The following FAM217A variants were observed in gnomAD, a reference collection of about 807,000 sequenced individuals.
FAM217A encodes family with sequence similarity 217 member A.
In FAM217A, 13 loss-of-function variants were observed where a neutral mutation model predicts 18.5. That is an observed-to-expected ratio of 0.70 (90% CI 0.46 to 1.12). FAM217A has a LOEUF of 1.12. Among genes scored for constraint, FAM217A ranks in the 50% most tolerant of loss-of-function variants. The pLI, the probability that FAM217A is intolerant of heterozygous loss-of-function variation, is 0.00. For synonymous variants in FAM217A, 161 were observed against 202.8 expected, an observed-to-expected ratio of 0.79 and a Z score of 1.75; for missense variants, 560 against 575.4, an observed-to-expected ratio of 0.97 and a Z score of 0.27.
At chr6:4,086,893 G>T in intron 1 of FAM217A, 1 of 398,316 alleles carries the variant, frequency 2.5e-6, no homozygotes, top group South Asian at 1.3e-4. Flanking sequence ...TCTGCTTTTT[G>T]GTCTGCAATG....
At chr6:4,076,649 C>T (rs1186731875) in intron 2 of FAM217A, among the ~76,000 whole-genome samples, 1 of 152,112 alleles carries the variant, frequency 6.6e-6, no homozygotes, top group Admixed American at 6.5e-5. Context: ...AAAGCCAAGG[C>T]GGGTGGATCA....
rs1255854194 is a variant in FAM217A, at chr6:4,074,627, G to C, written c.95C>G (p.Pro32Arg). The C allele has an allele frequency of 1.9e-6, 3 of 1,613,450 alleles. No homozygotes were observed. Among genetic ancestry groups the C allele is most frequent in the African/African-American group, 2.7e-5 (2 of 74,998 alleles). The change falls in exon 3 of 7, where the codon CCT becomes CGT. Residue 32 changes from proline (P) to arginine (R), a missense_variant. Coordinates refer to ENST00000274673, the MANE Select transcript of FAM217A (RefSeq NM_173563.3). ...LSHWNLDSEV[P>R]VSENKNLPAG... ...TGGGAGGTTTTTATTTTCAGAAACAGGTACTTCTGAATCCAAATTCCAGTG... is the reference window on the plus strand; with the variant it reads ...TGGGAGGTTTTTATTTTCAGAAACACGTACTTCTGAATCCAAATTCCAGTG...
intron 1 of FAM217A, among the ~76,000 whole-genome samples, chr6:4,077,813 A>G (rs914331223): frequency 2.2e-4 from 33 of 152,198 alleles, no homozygotes; most frequent in African/African-American, 7.7e-4. Context: ...TTCATTCAAA[A>G]CAATTGCTCC....
In FAM217A at chr6:4,069,661, A is replaced by G. The variant is rs1356695031; in HGVS notation, c.562T>C (p.Leu188=). The part of the protein sequence containing the change: ...GETLPAPNWN[L]KHGNSSVEEN... ...TCCACACTGCTGTTTCCATGTTTCAAATTCCAATTTGGAGCAGGTAATGTT... is the reference window on the plus strand; with the variant it reads ...TCCACACTGCTGTTTCCATGTTTCAGATTCCAATTTGGAGCAGGTAATGTT... The change falls in exon 7 of 7, where the codon TTG becomes CTG. Residue 188 remains leucine, a synonymous_variant. Transcript: ENST00000274673. 3 of 1,614,158 alleles carry G rather than the reference A, an allele frequency of 1.9e-6. No homozygotes were observed. Among genetic ancestry groups the G allele is most frequent in the South Asian group, 1.1e-5 (1 of 91,086 alleles).
intron 2 of FAM217A, among the ~76,000 whole-genome samples, chr6:4,084,297 C>T (rs886788671): frequency 3.9e-5 from 6 of 152,164 alleles, no homozygotes; most frequent in East Asian, 1.9e-4. Flanking sequence ...ATTCCTGGAA[C>T]GTGTGATAGT....
At chr6:4,087,151 G>C (rs1770723245), upstream of FAM217A, 2 of 437,310 alleles carry the variant, frequency 4.6e-6, no homozygotes, top group Admixed American at 4.3e-5. Flanking sequence ...TGGGAGCAAG[G>C]CTTCTACAAA....
chr6:4,084,522 C>G (rs1770512361), intron 2 of FAM217A: 3 of 694,230 alleles, frequency 4.3e-6, no homozygotes, highest in Non-Finnish European at 7.9e-6. Context: ...ATTTTCCTAG[C>G]CTTATATCAC....
intron 6 of FAM217A, among the ~76,000 whole-genome samples, chr6:4,071,835 G>A (rs9502117): frequency 0.043 from 6,550 of 152,008 alleles, 478 homozygotes; most frequent in African/African-American, 0.15. Flanking sequence ...CTCTGACTAG[G>A]AGATGGCTGA....
intron 6 of FAM217A, among the ~76,000 whole-genome samples, chr6:4,070,511 T>C (rs1769331654): frequency 6.6e-6 from 1 of 152,184 alleles, no homozygotes. Flanking sequence ...GGAGTAATTC[T>C]AGGTATTATG....
chr6:4,079,464 C>T, upstream of FAM217A: 1 of 399,182 alleles, frequency 2.5e-6, no homozygotes, highest in Non-Finnish European at 4.4e-6. Context: ...CGGACTTTCC[C>T]CCAGGCGTCC....
At chr6:4,076,377 T>G (rs1394500138) in intron 2 of FAM217A, among the ~76,000 whole-genome samples, 1 of 152,066 alleles carries the variant, frequency 6.6e-6, no homozygotes, top group East Asian at 1.9e-4. Flanking sequence ...CCCAGTTATT[T>G]GTATTTTAAA....
chr6:4,068,803 G>A lies in FAM217A; in HGVS notation c.1420C>T (p.Arg474Ter), dbSNP rs375725382. ...GGTCTATTCAACACTATATTTTGTC[G>A]GTAAAGTTTCTTTTTGGTCCCAAAG... ...RNFGTKKKLY[R>*]QNIVLNRPFS... The change falls in exon 7 of 7, where the codon CGA (arginine) becomes TGA (stop). Residue 474 changes from arginine to a stop codon, truncating the protein, a stop_gained. Transcript: ENST00000274673. LOFTEE classifies it low-confidence loss of function (END_TRUNC). The A allele has an allele frequency of 5.0e-6, 8 of 1,613,952 alleles. No homozygotes were observed. Among genetic ancestry groups the A allele is most frequent in the South Asian group, 1.1e-5 (1 of 91,076 alleles).
chr6:4,068,755 A>G lies in FAM217A; in HGVS notation c.1468T>C (p.Cys490Arg). 1 of 1,613,212 alleles carries G rather than the reference A, an allele frequency of 6.2e-7. No individual in the cohort carries two copies. Among genetic ancestry groups the G allele is most frequent in the Non-Finnish European group, 8.5e-7 (1 of 1,179,800 alleles). ...TTAGCAATAAGGGAAGGCGACAAAC[A>G]GTTTAGCTTCTGAATAGAGAATGGT... ...NRPFSIQKLNCLSPSLIAKDK... is the reference protein window; with the variant it reads ...NRPFSIQKLNRLSPSLIAKDK... The change falls in exon 7 of 7, where the codon TGT (cysteine) becomes CGT (arginine). Residue 490 changes from cysteine (C) to arginine (R), a missense_variant. Cys to Arg is a radical substitution (Grantham distance 180, BLOSUM62 -3). Coordinates refer to ENST00000274673, the MANE Select transcript of FAM217A (RefSeq NM_173563.3).
chr6:4,074,567 G>C lies in FAM217A; in HGVS notation c.145+10C>G, dbSNP rs185856801. 33 of 1,609,332 alleles carry C rather than the reference G, an allele frequency of 2.1e-5. No homozygotes were observed. In the African/African-American group the frequency reaches 3.6e-4, roughly 18 times the overall value. On this transcript the variant is annotated intron_variant, in intron 3 of 6. Transcript: ENST00000274673. ...TTTCAGTATAAGTATACACATCTAG[G>C]ATTTCTTACCACCTGCTGCTCCATC...
At position 4,069,588 on chromosome 6, in the gene FAM217A, T is replaced by G; in HGVS notation, c.635A>C (p.Asn212Thr). Residue 212 changes from asparagine (N) to threonine (T), a missense_variant, in exon 7 of 7, where the codon AAT becomes ACT. Transcript: ENST00000274673. ...TTTAAAATAGCTGAGTAAAGTATCA[T>G]TTGTCTTCTCATTTTCTGATAAATC... ...ESDLSENEKT[N>T]DTLLSYFKKV... 6.2e-7 allele frequency: 1 copy of G among 1,614,134 alleles called. No homozygotes were observed. The highest frequency in any genetic ancestry group is 8.5e-7 in the Non-Finnish European group (1 of 1,180,014).
In FAM217A at chr6:4,074,147, C is replaced by A. The variant is rs73351512; in HGVS notation, c.159+296G>T. ...GATTACAGGCATGAGCCACTGCACCCGGCCTGCTTCAAGACATTTTAAAGG... is the reference window on the plus strand; with the variant it reads ...GATTACAGGCATGAGCCACTGCACCAGGCCTGCTTCAAGACATTTTAAAGG... On this transcript the variant is annotated intron_variant, in intron 4 of 6. Coordinates refer to ENST00000274673, the MANE Select transcript of FAM217A (RefSeq NM_173563.3). Among the ~76,000 whole-genome samples the A allele has an allele frequency of 5.3e-5, 8 of 152,122 alleles. 1 individual carries two copies. The highest frequency in any genetic ancestry group is 1.7e-4 in the African/African-American group (7 of 41,486).
In FAM217A at chr6:4,071,610, C is replaced by CT. The variant is rs557664806; in HGVS notation, c.302+1664dup. On this transcript the variant is annotated intron_variant, in intron 6 of 6. Coordinates refer to ENST00000274673, the MANE Select transcript of FAM217A (RefSeq NM_173563.3). ...CCGCCTCCATTTGTTTGCTCCTCTG[C>CT]TACTGTCATAAAATTCAGTTCACTT... 2.2e-4 allele frequency among the ~76,000 whole-genome samples: 33 copies of CT among 152,302 alleles called. No homozygotes were observed. The South Asian group carries it at 6.0e-3, about 28-fold the overall frequency.
At chr6:4,071,161 A>C (rs1187346602) in intron 6 of FAM217A, among the ~76,000 whole-genome samples, 3 of 152,206 alleles carry the variant, frequency 2.0e-5, no homozygotes, top group Admixed American at 1.3e-4. Context: ...GGGAGGGCCT[A>C]GGTTTGAACC....
At chr6:4,079,700 A>G, upstream of FAM217A, 2 of 1,248,364 alleles carry the variant, frequency 1.6e-6, no homozygotes, top group South Asian at 1.3e-5. Context: ...CCTCCAGACT[A>G]AGCTACAATA....
Sources: gnomAD v4.1 joint callset for allele counts (sites outside exome capture counted in the v4.1 genomes callset) on GRCh38, gnomAD v4.1.1 for gene constraint, MANE v1.5 for transcripts, NCBI Gene and HGNC (gene_info 2026-07-23, HGNC 2026-07-21) for gene names.